The following RAB3C variants were observed in gnomAD, a reference collection of about 807,000 sequenced individuals.
RAB3C encodes RAB3C, member RAS oncogene family.
In RAB3C, 17 loss-of-function variants were observed where a neutral mutation model predicts 26.4. That is an observed-to-expected ratio of 0.64 (90% confidence interval 0.44 to 0.97). RAB3C has a LOEUF of 0.97. Among genes scored for constraint, RAB3C ranks in the 50% least tolerant of loss-of-function variants. RAB3C has a pLI of 0.00. For synonymous variants in RAB3C, 91 were observed against 95.9 expected, an observed-to-expected ratio of 0.95 and a Z score of 0.30; for missense variants, 242 against 281.9, an observed-to-expected ratio of 0.86 and a Z score of 1.01.
chr5:58,721,934 A>AT (rs138772268), intron 2 of RAB3C, among the ~76,000 whole-genome samples: 29 of 148,208 alleles, frequency 2.0e-4, no homozygotes, highest in Admixed American at 8.8e-4. Context: ...GAAAGCTTCT[A>AT]TTTTTTTTTT....
In RAB3C at chr5:58,665,084, C is replaced by A. The variant is rs928394549; in HGVS notation, c.252+47214C>A. On this transcript the variant is annotated intron_variant, in intron 2 of 4. Coordinates refer to ENST00000282878, the MANE Select transcript of RAB3C (RefSeq NM_138453.4). ...CCCTTAATGTTATTTGCTAAAATATCACTTCCTGAAAAAGGACTTCCCTGA... is the reference window on the plus strand; with the variant it reads ...CCCTTAATGTTATTTGCTAAAATATAACTTCCTGAAAAAGGACTTCCCTGA... Among the ~76,000 whole-genome samples, 38 of 152,128 alleles carry A rather than the reference C, an allele frequency of 2.5e-4. 1 individual carries two copies. The highest frequency in any genetic ancestry group is 2.5e-3 in the Admixed American group (38 of 15,260).
At chr5:58,826,051 G>C (rs888006048) in intron 4 of RAB3C, among the ~76,000 whole-genome samples, 1 of 152,184 alleles carries the variant, frequency 6.6e-6, no homozygotes, top group Non-Finnish European at 1.5e-5. Context: ...CTGCAAGGCA[G>C]ATGCCAACAG....
At chr5:58,651,381 G>C (rs1051941298) in intron 2 of RAB3C, among the ~76,000 whole-genome samples, 5 of 152,166 alleles carry the variant, frequency 3.3e-5, no homozygotes, top group African/African-American at 4.8e-5. Flanking sequence ...TGTCTTTAAA[G>C]TGACAAGGAT....
intron 2 of RAB3C, among the ~76,000 whole-genome samples, chr5:58,659,146 T>C (rs1372695515): frequency 1.3e-5 from 2 of 152,192 alleles, no homozygotes; most frequent in Non-Finnish European, 2.9e-5. Context: ...ATTAATCACA[T>C]AGGAAAACAA....
chr5:58,683,002 G>A (rs1280800994), intron 2 of RAB3C, among the ~76,000 whole-genome samples: 1 of 152,198 alleles, frequency 6.6e-6, no homozygotes, highest in African/African-American at 2.4e-5. Context: ...CTTGCCTGAA[G>A]TGTATATTTT....
At chr5:58,599,306 T>G (rs1314591480) in intron 1 of RAB3C, among the ~76,000 whole-genome samples, 1 of 152,170 alleles carries the variant, frequency 6.6e-6, no homozygotes, top group African/African-American at 2.4e-5. Context: ...AGTAGCTGGG[T>G]CCTGTCTGCC....
intron 2 of RAB3C, among the ~76,000 whole-genome samples, chr5:58,651,477 A>G (rs369604621): frequency 5.3e-5 from 8 of 152,286 alleles, no homozygotes; most frequent in South Asian, 2.1e-4. Flanking sequence ...TAGAAAATCT[A>G]TTTATACTAT....
Position 58,612,530 on chromosome 5 carries a change from A to ATG in RAB3C, c.25-5112_25-5111insGT, listed in dbSNP as rs1554044131. Among the ~76,000 whole-genome samples, 24 of 69,334 alleles carry ATG rather than the reference A, an allele frequency of 3.5e-4. 1 individual carries two copies. Among genetic ancestry groups the ATG allele is most frequent in the African/African-American group, 9.6e-4 (22 of 22,904 alleles). The allele number at this position is 69,334 out of a possible 152,430, so 45.5% of individuals were successfully genotyped here. A position where few individuals can be genotyped will look rare whatever the true frequency, so the allele number is the denominator to read the frequency against. The stretch of plus-strand genomic sequence containing the variant: ...TGTGTGTGTGTGTGTGTATATATAT[A>ATG]TATATATATATATATATGTATATAT... On this transcript the variant is annotated intron_variant, in intron 1 of 4. Coordinates refer to ENST00000282878, the MANE Select transcript of RAB3C (RefSeq NM_138453.4).
At chr5:58,667,008 C>G (rs906719486) in intron 2 of RAB3C, among the ~76,000 whole-genome samples, 5 of 152,278 alleles carry the variant, frequency 3.3e-5, no homozygotes, top group African/African-American at 9.6e-5. Flanking sequence ...TTATCTGATG[C>G]TTTTAGACAG....
chr5:58,822,330 T>A (rs1461281929), intron 3 of RAB3C, among the ~76,000 whole-genome samples: 1 of 152,250 alleles, frequency 6.6e-6, no homozygotes, highest in East Asian at 1.9e-4. Flanking sequence ...CTATGCCTCA[T>A]TTTCCTCAAC....
At chr5:58,799,704 T>C (rs1354689167) in intron 3 of RAB3C, among the ~76,000 whole-genome samples, 1 of 152,204 alleles carries the variant, frequency 6.6e-6, no homozygotes, top group Non-Finnish European at 1.5e-5. Flanking sequence ...TTCCCTCTTA[T>C]ATGAATATTA....
chr5:58,806,828 CA>C (rs1742950997), intron 3 of RAB3C, among the ~76,000 whole-genome samples: 1 of 152,048 alleles, frequency 6.6e-6, no homozygotes, highest in African/African-American at 2.4e-5. Context: ...AGAATGTAGC[CA>C]AAATCAATAC....
intron 4 of RAB3C, among the ~76,000 whole-genome samples, chr5:58,845,612 A>ATATATATATATATATATATGTGGGTGTG: frequency 1.2e-5 from 1 of 81,744 alleles, no homozygotes; most frequent in Admixed American, 1.2e-4. Flanking sequence ...ATATATATAT[A>ATATATATATATATATATATGTGGGTGTG]TGTGTGTGTG....
Position 58,857,011 on chromosome 5 carries a change from C to T in RAB3C, c.*5660C>T, listed in dbSNP as rs1744275564. The T allele has an allele frequency of 6.6e-6, 1 of 152,114 alleles. No homozygotes were observed. Among genetic ancestry groups the T allele is most frequent in the Admixed American group, 6.6e-5 (1 of 15,262 alleles). 9.4% of individuals were successfully genotyped at this position (152,114 alleles called of 1,614,324 possible). On this transcript the variant is annotated 3_prime_UTR_variant, in exon 5 of 5. Transcript: ENST00000282878. ...AATGGTGTTTGTAGAACTGATATGT[C>T]TTAAATGTTGCATGAAATATGTTAT...
intron 3 of RAB3C, chr5:58,822,811 T>C (rs965563968): frequency 3.3e-6 from 2 of 609,484 alleles, no homozygotes; most frequent in Admixed American, 1.9e-5. Flanking sequence ...CACATTATAC[T>C]GGCCTGCCAC....
intron 1 of RAB3C, chr5:58,617,367 C>T (rs1746845275): frequency 1.6e-6 from 1 of 619,488 alleles, no homozygotes; most frequent in Admixed American, 2.2e-5. Context: ...TATAGACATC[C>T]CCTTTGGTGT....
chr5:58,683,875 A>C (rs1194357294), intron 2 of RAB3C, among the ~76,000 whole-genome samples: 1 of 152,188 alleles, frequency 6.6e-6, no homozygotes, highest in African/African-American at 2.4e-5. Flanking sequence ...TACTTAACTT[A>C]ATAATCTAAT....
At chr5:58,613,843 A>G (rs185615046) in intron 1 of RAB3C, among the ~76,000 whole-genome samples, 18 of 152,174 alleles carry the variant, frequency 1.2e-4, no homozygotes, top group African/African-American at 3.9e-4. Context: ...CCTATGTGGA[A>G]GAGAGGCTAA....
At chr5:58,800,504 T>C (rs1031553633) in intron 3 of RAB3C, among the ~76,000 whole-genome samples, 6 of 152,164 alleles carry the variant, frequency 3.9e-5, no homozygotes, top group African/African-American at 1.2e-4. Context: ...CCCCTGAAGA[T>C]GGGTGTTTTT....
Sources: allele counts gnomAD v4.1 joint callset (sites outside exome capture counted in the v4.1 genomes callset), GRCh38; gene constraint gnomAD v4.1.1; transcripts MANE v1.5; gene names NCBI Gene and HGNC (gene_info 2026-07-23, HGNC 2026-07-21).